The following DNAJC15 variants were observed in gnomAD, a reference collection of about 807,000 sequenced individuals.
The protein encoded by DNAJC15 is DnaJ heat shock protein family (Hsp40) member C15, also known as dnaJ homolog subfamily C member 15.
A neutral mutation model predicts 22.4 loss-of-function variants in DNAJC15; 27 were observed. The observed-to-expected ratio is 1.20, with a 90% CI of 0.89 to 1.66. The LOEUF (loss-of-function observed/expected upper bound fraction) is 1.66, where lower values mean the gene tolerates loss of function less well. Among genes scored for constraint, DNAJC15 ranks in the 40% most tolerant of loss-of-function variants. DNAJC15 has a pLI of 0.00. For missense variants in DNAJC15, 208 were observed against 187.1 expected (o/e 1.11, Z -0.65); for synonymous variants, 79 against 63.2 (o/e 1.25, Z -1.19).
chr13:43,069,285 G>C (rs2040598230), intron 3 of DNAJC15, among the ~76,000 whole-genome samples: 1 of 151,978 alleles, frequency 6.6e-6, no homozygotes, highest in Admixed American at 6.6e-5. Context: ...TACCCGTTTA[G>C]TTACTGTTCA....
intron 3 of DNAJC15, among the ~76,000 whole-genome samples, chr13:43,077,518 A>G (rs1266635082): frequency 1.3e-5 from 2 of 152,190 alleles, no homozygotes; most frequent in Non-Finnish European, 2.9e-5. Flanking sequence ...CCAGGAAGTG[A>G]GCATATATAT....
intron 4 of DNAJC15, among the ~76,000 whole-genome samples, chr13:43,084,970 C>A (rs974222126): frequency 6.6e-6 from 1 of 152,184 alleles, no homozygotes; most frequent in Non-Finnish European, 1.5e-5. Flanking sequence ...TTAATCCTTA[C>A]AGTTGCTCTA....
chr13:43,085,361 C>A (rs1261271340), intron 4 of DNAJC15, among the ~76,000 whole-genome samples: 1 of 80,534 alleles, frequency 1.2e-5, no homozygotes, highest in African/African-American at 5.4e-5. Context: ...ACTCCTCCTT[C>A]TTGGGGGGTG....
At chr13:43,040,442 A>G (rs1219793509) in intron 1 of DNAJC15, among the ~76,000 whole-genome samples, 2 of 152,184 alleles carry the variant, frequency 1.3e-5, no homozygotes. Context: ...TGACCCCATA[A>G]TGTTAAGTAG....
intron 5 of DNAJC15, among the ~76,000 whole-genome samples, chr13:43,097,790 A>T (rs1239490593): frequency 3.3e-5 from 5 of 152,024 alleles, no homozygotes; most frequent in African/African-American, 7.3e-5. Context: ...ATACAAAATT[A>T]GCCGGGCGTG....
At chr13:43,087,881 TAA>T (rs1319401345) in intron 5 of DNAJC15, among the ~76,000 whole-genome samples, 1 of 152,202 alleles carries the variant, frequency 6.6e-6, no homozygotes, top group Non-Finnish European at 1.5e-5. Flanking sequence ...CGTATTTTGG[TAA>T]AAAGGAAATT....
chr13:43,096,023 T>C (rs900624909), intron 5 of DNAJC15, among the ~76,000 whole-genome samples: 8 of 151,842 alleles, frequency 5.3e-5, no homozygotes, highest in African/African-American at 1.5e-4. Flanking sequence ...TTTTGCTTTT[T>C]ACTTTTTTTT....
At chr13:43,104,193 C>T (rs867490619) in intron 5 of DNAJC15, among the ~76,000 whole-genome samples, 1 of 152,122 alleles carries the variant, frequency 6.6e-6, no homozygotes. Context: ...TTTGCCCCTT[C>T]CCATTGCCAA....
At chr13:43,063,848 A>G (rs2040570912) in intron 1 of DNAJC15, among the ~76,000 whole-genome samples, 1 of 152,254 alleles carries the variant, frequency 6.6e-6, no homozygotes, top group South Asian at 2.1e-4. Flanking sequence ...GGAAGAAGAT[A>G]TAATTCACAT....
chr13:43,041,263 C>T (rs2040452537), intron 1 of DNAJC15, among the ~76,000 whole-genome samples: 1 of 152,190 alleles, frequency 6.6e-6, no homozygotes, highest in Non-Finnish European at 1.5e-5. Context: ...TTAACCACTG[C>T]TGCCTTCAAG....
rs765830098 is a variant in DNAJC15, at chr13:43,037,104, A to G, written c.108+13370A>G. 2.0e-5 allele frequency among the ~76,000 whole-genome samples: 3 copies of G among 152,170 alleles called. No individual in the cohort carries two copies. The East Asian group carries it at 5.8e-4, about 29-fold the overall frequency. ...CAGCTCTGCTGAATGTCCAGCCCCC[A>G]TGGTGCCTCCCGCTCTGCAGCCAAC... On this transcript the variant is annotated intron_variant, in intron 1 of 5. Coordinates refer to ENST00000379221, the MANE Select transcript of DNAJC15 (RefSeq NM_013238.3).
intron 3 of DNAJC15, among the ~76,000 whole-genome samples, chr13:43,072,083 A>AT (rs549344497): frequency 1.0e-3 from 154 of 152,220 alleles, no homozygotes; most frequent in African/African-American, 3.5e-3. Context: ...TCACAGCTAG[A>AT]TTTTTTGGTG....
rs752689142 is a variant in DNAJC15, at chr13:43,065,751, T to C, written c.160+14T>C. On this transcript the variant is annotated intron_variant, in intron 2 of 5. Transcript: ENST00000379221. ...TTGCATTTGCAGGTAAGATAAAGAA[T>C]ACATACCAATAAATTGCAGGAGAAA... The C allele has an allele frequency of 1.2e-6, 2 of 1,611,404 alleles. No homozygotes were observed. The highest frequency in any genetic ancestry group is 3.3e-5 in the Admixed American group (2 of 60,018).
rs924587862 is a variant in DNAJC15 at position 43,110,647 on chromosome 13, A to G, written c.*3399A>G. The G allele has an allele frequency of 1.3e-5, 2 of 152,220 alleles. No homozygotes were observed. Among genetic ancestry groups the G allele is most frequent in the African/African-American group, 4.8e-5 (2 of 41,454 alleles). The allele number at this position is 152,220 out of a possible 1,614,324, so 9.4% of individuals were successfully genotyped here. On this transcript the variant is annotated 3_prime_UTR_variant, in exon 6 of 6. Coordinates refer to ENST00000379221, the MANE Select transcript of DNAJC15 (RefSeq NM_013238.3). Reference sequence around the variant, plus strand: ...CCCAGATCTCCACAACTATACCTACATAGTAGAAGGTTAAAATGTATCCCT... The same window carrying G: ...CCCAGATCTCCACAACTATACCTACGTAGTAGAAGGTTAAAATGTATCCCT...
At chr13:43,024,863 C>T (rs1358919299) in intron 1 of DNAJC15, among the ~76,000 whole-genome samples, 1 of 139,602 alleles carries the variant, frequency 7.2e-6, no homozygotes, top group South Asian at 2.3e-4. Flanking sequence ...TGGAGGACAG[C>T]CTGGGCAACA....
At chr13:43,066,199 C>G (rs1407664975) in intron 2 of DNAJC15, among the ~76,000 whole-genome samples, 1 of 151,880 alleles carries the variant, frequency 6.6e-6, no homozygotes, top group Non-Finnish European at 1.5e-5. Flanking sequence ...CTTGATAAAC[C>G]CTGGGGAATT....
chr13:43,077,860 A>C (rs1480034288), intron 3 of DNAJC15, among the ~76,000 whole-genome samples: 1 of 151,868 alleles, frequency 6.6e-6, no homozygotes, highest in African/African-American at 2.4e-5. Context: ...CACTTTTATC[A>C]CCTCCTCTGC....
At position 43,094,182 on chromosome 13, in the gene DNAJC15, T is replaced by C. The variant is rs574159987; in HGVS notation, c.382+8344T>C. 3.3e-5 allele frequency among the ~76,000 whole-genome samples: 5 copies of C among 152,344 alleles called. No homozygotes were observed. The South Asian group carries it at 1.0e-3, about 32-fold the overall frequency. Reference sequence around the variant, plus strand: ...TATTAAAATCTATTGGTCTATCTTTTACTTTGAATTTTTTTTTCCCATCTG... The same window carrying C: ...TATTAAAATCTATTGGTCTATCTTTCACTTTGAATTTTTTTTTCCCATCTG... On this transcript the variant is annotated intron_variant, in intron 5 of 5. Coordinates refer to ENST00000379221, the MANE Select transcript of DNAJC15 (RefSeq NM_013238.3).
At chr13:43,085,177 C>T in intron 4 of DNAJC15, among the ~76,000 whole-genome samples, 1 of 152,100 alleles carries the variant, frequency 6.6e-6, no homozygotes, top group Non-Finnish European at 1.5e-5. Flanking sequence ...GCCTGGACAA[C>T]ATGATGAAAC....
Sources: allele counts gnomAD v4.1 joint callset (sites outside exome capture counted in the v4.1 genomes callset), GRCh38; gene constraint gnomAD v4.1.1; transcripts MANE v1.5; gene names NCBI Gene and HGNC (gene_info 2026-07-23, HGNC 2026-07-21).